Variants in RAB3GAP2 observed in about 807,000 individuals in gnomAD.
RAB3GAP2 encodes the protein rab3 GTPase-activating protein non-catalytic subunit.
In RAB3GAP2, 87 loss-of-function variants were observed where a neutral mutation model predicts 185.3. The observed-to-expected ratio is 0.47, with a 90% CI of 0.39 to 0.56. RAB3GAP2 has a LOEUF of 0.56. Among genes scored for constraint, RAB3GAP2 ranks in the 20% least tolerant of loss-of-function variants. The probability of loss-of-function intolerance (pLI) is 0.00; values close to 1 mark genes in which losing one functional copy is unlikely to be tolerated. For missense variants in RAB3GAP2, 1,492 were observed against 1,638.2 expected (o/e 0.91, Z 1.54); for synonymous variants, 554 against 576.1 (o/e 0.96, Z 0.55).
Position 220,151,198 on chromosome 1 carries a change from T to G in RAB3GAP2, c.*53A>C. The G allele has an allele frequency of 1.3e-6, 2 of 1,545,518 alleles. No individual in the cohort carries two copies. The highest frequency in any genetic ancestry group is 2.3e-5 in the South Asian group (2 of 88,826). On this transcript the variant is annotated 3_prime_UTR_variant, in exon 35 of 35. Coordinates refer to ENST00000358951, the MANE Select transcript of RAB3GAP2 (RefSeq NM_012414.4). ...CAGGTCTTACTATGTAAAATAACCA[T>G]GCACTACTTCATGTTATAATCATAA...
intron 2 of RAB3GAP2, among the ~76,000 whole-genome samples, chr1:220,223,957 G>A (rs1659357070): frequency 7.4e-6 from 1 of 135,384 alleles, no homozygotes; most frequent in Non-Finnish European, 1.5e-5. Context: ...AGTGAGCCAT[G>A]ATCGTGCCAC....
chr1:220,244,566 A>G (rs1053194197), intron 1 of RAB3GAP2, among the ~76,000 whole-genome samples: 1 of 152,186 alleles, frequency 6.6e-6, no homozygotes, highest in African/African-American at 2.4e-5. Context: ...CCTAAAATTC[A>G]TATGGAACAA....
chr1:220,259,502 T>C (rs985537274), intron 1 of RAB3GAP2, among the ~76,000 whole-genome samples: 19 of 152,052 alleles, frequency 1.2e-4, no homozygotes, highest in Admixed American at 2.0e-4. Flanking sequence ...ATTTAATAAA[T>C]TTAATAAATT....
At chr1:220,212,204 T>A (rs1189432702) in intron 4 of RAB3GAP2, among the ~76,000 whole-genome samples, 2 of 152,196 alleles carry the variant, frequency 1.3e-5, no homozygotes, top group East Asian at 3.9e-4. Context: ...TGTAGTACTG[T>A]ACCCTTCAAG....
chr1:220,260,761 A>T (rs190230197), intron 1 of RAB3GAP2, among the ~76,000 whole-genome samples: 1 of 152,206 alleles, frequency 6.6e-6, no homozygotes. Context: ...GTTGAAGAAG[A>T]AGAAGAAAAA....
intron 12 of RAB3GAP2, among the ~76,000 whole-genome samples, chr1:220,193,726 G>T (rs1017608187): frequency 2.6e-5 from 4 of 152,122 alleles, no homozygotes; most frequent in Admixed American, 1.3e-4. Flanking sequence ...GGCATCTTTT[G>T]TCTATTTTAA....
Position 220,190,467 on chromosome 1 carries a change from C to A in RAB3GAP2, c.1541G>T (p.Ser514Ile). Residue 514 changes from serine (S) to isoleucine (I), a missense_variant, in exon 15 of 35, where the codon AGT becomes ATT. Coordinates refer to ENST00000358951, the MANE Select transcript of RAB3GAP2 (RefSeq NM_012414.4). ...IMGLNNVTSQ[S>I]WQPQTYQICL... ...GATCTGATAAGTCTGTGGCTGCCAA[C>A]TCTGACTGGTAACATTATTTAAACC... 3.7e-6 allele frequency: 6 copies of A among 1,610,946 alleles called. No individual in the cohort carries two copies. The highest frequency in any genetic ancestry group is 5.1e-6 in the Non-Finnish European group (6 of 1,177,128).
At chr1:220,252,622 C>T (rs886909353) in intron 1 of RAB3GAP2, among the ~76,000 whole-genome samples, 4 of 152,226 alleles carry the variant, frequency 2.6e-5, no homozygotes, top group Non-Finnish European at 5.9e-5. Context: ...TCACCTCCCG[C>T]CAAGAGAAGC....
rs375781973 is a variant in RAB3GAP2, at chr1:220,153,347, T to C, written c.3705A>G (p.Lys1235=). 1.9e-6 allele frequency: 3 copies of C among 1,614,206 alleles called. No individual in the cohort carries two copies. In the South Asian group the frequency reaches 3.3e-5, roughly 18 times the overall value. The stretch of plus-strand genomic sequence containing the variant: ...TGGGTGTGGCCTCTTCTGTGGGATC[T>C]TTGACCTTTGTGGCTGAATGTTGGG... The part of the protein sequence containing the change: ...VQAQHSATKV[K]DPTEEATPTP... The change falls in exon 33 of 35, where the codon AAA becomes AAG. Residue 1235 remains lysine (K), a synonymous_variant. Coordinates refer to ENST00000358951, the MANE Select transcript of RAB3GAP2 (RefSeq NM_012414.4).
At chr1:220,254,189 C>T in intron 1 of RAB3GAP2, 1 of 1,613,454 alleles carries the variant, frequency 6.2e-7, no homozygotes, top group African/African-American at 1.3e-5. Flanking sequence ...CGTGGAAACA[C>T]AGATAATAAG....
At chr1:220,188,935 G>A (rs1279776526) in intron 17 of RAB3GAP2, among the ~76,000 whole-genome samples, 2 of 152,070 alleles carry the variant, frequency 1.3e-5, no homozygotes, top group Admixed American at 6.6e-5. Flanking sequence ...AGTCACAGAA[G>A]ACATAGGGCA....
In RAB3GAP2 at chr1:220,157,885, T is replaced by C. The variant is rs1464649486; in HGVS notation, c.3262-9A>G. On this transcript the variant is annotated splice_polypyrimidine_tract_variant and intron_variant, in intron 29 of 34. Transcript: ENST00000358951. ...TCACTCATTCCCACATCCTGTTTTT[T>C]AAAAAGGAACGTAATTAGGCCCTGC... 5 of 1,609,708 alleles carry C rather than the reference T, an allele frequency of 3.1e-6. No homozygotes were observed. Among genetic ancestry groups the C allele is most frequent in the Middle Eastern group, 1.7e-4 (1 of 6,050 alleles).
intron 1 of RAB3GAP2, among the ~76,000 whole-genome samples, chr1:220,259,745 A>T (rs1482976104): frequency 6.6e-6 from 1 of 152,228 alleles, no homozygotes; most frequent in Non-Finnish European, 1.5e-5. Flanking sequence ...GACAAATGTG[A>T]TCTAATTAAA....
intron 7 of RAB3GAP2, among the ~76,000 whole-genome samples, chr1:220,209,295 C>T (rs904693861): frequency 6.6e-6 from 1 of 152,176 alleles, no homozygotes; most frequent in African/African-American, 2.4e-5. Flanking sequence ...GCTTATTTGA[C>T]AGTTTCTCAT....
intron 2 of RAB3GAP2, among the ~76,000 whole-genome samples, 183 bp downstream of exon 2, chr1:220,232,616 C>T (rs1030960331): frequency 6.6e-6 from 1 of 152,152 alleles, no homozygotes; most frequent in Non-Finnish European, 1.5e-5. Context: ...CGAAGACACC[C>T]GCTTTAGCTA....
intron 21 of RAB3GAP2, among the ~76,000 whole-genome samples, chr1:220,181,759 C>G (rs183337101): frequency 1.3e-5 from 2 of 152,112 alleles, no homozygotes; most frequent in African/African-American, 4.8e-5. Context: ...TTAACATTTA[C>G]AGAAAATTGG....
intron 2 of RAB3GAP2, among the ~76,000 whole-genome samples, chr1:220,228,319 C>A (rs1316760273): frequency 6.6e-6 from 1 of 152,176 alleles, no homozygotes; most frequent in Non-Finnish European, 1.5e-5. Flanking sequence ...GCCTCTGGAG[C>A]TGGTTATAGT....
chr1:220,207,283 CCTAT>C (rs1161431188), intron 7 of RAB3GAP2, among the ~76,000 whole-genome samples: 5 of 152,076 alleles, frequency 3.3e-5, no homozygotes, highest in African/African-American at 1.2e-4. Flanking sequence ...TCAAAGAGTA[CCTAT>C]CAACTTATAT....
intron 2 of RAB3GAP2, among the ~76,000 whole-genome samples, chr1:220,217,954 A>G (rs1659228916): frequency 6.6e-6 from 1 of 152,212 alleles, no homozygotes; most frequent in African/African-American, 2.4e-5. Flanking sequence ...ACTATAAGTG[A>G]TCTCAGAAGC....
Sources: gnomAD v4.1 joint callset for allele counts (sites outside exome capture counted in the v4.1 genomes callset) on GRCh38, gnomAD v4.1.1 for gene constraint, MANE v1.5 for transcripts, NCBI Gene and HGNC (gene_info 2026-07-23, HGNC 2026-07-21) for gene names.